LAMTOR5: variants seen among roughly 807,000 people sequenced by gnomAD.
The protein encoded by LAMTOR5 is late endosomal/lysosomal adaptor, MAPK and MTOR activator 5, also known as ragulator complex protein LAMTOR5.
LAMTOR5 carries 8 observed loss-of-function variants against 12.1 expected under a neutral mutation model. The observed-to-expected ratio is 0.66, with a 90% CI of 0.39 to 1.19. The LOEUF (loss-of-function observed/expected upper bound fraction) is 1.19. Ranked by LOEUF, LAMTOR5 falls within the 50% of genes most tolerant of loss-of-function variation. The probability of loss-of-function intolerance (pLI) is 0.01; values close to 1 mark genes in which losing one functional copy is unlikely to be tolerated. For synonymous variants in LAMTOR5, 37 were observed against 41.9 expected, an observed-to-expected ratio of 0.88 and a Z score of 0.45; for missense variants, 110 against 112.8, an observed-to-expected ratio of 0.97 and a Z score of 0.11.
At chr1:110,403,778 G>C (rs1663272087) in intron 3 of LAMTOR5, 141 bp downstream of exon 3, 6 of 1,337,226 alleles carry the variant, frequency 4.5e-6, no homozygotes, top group Non-Finnish European at 2.0e-6. Flanking sequence ...CAACTTGTCT[G>C]TTCCTGTGAT....
At chr1:110,407,145 T>G in intron 1 of LAMTOR5, 1 of 616,176 alleles carries the variant, frequency 1.6e-6, no homozygotes, top group East Asian at 2.8e-5. Flanking sequence ...GTTCGAAAAA[T>G]TTAAAGAATG....
chr1:110,406,240 A>G (rs1663325723), intron 2 of LAMTOR5, 78 bp downstream of exon 2: 1 of 979,114 alleles, frequency 1.0e-6, no homozygotes, highest in African/African-American at 1.7e-5. Context: ...AAAAGCTAGA[A>G]AATAATAGCA....
At chr1:110,407,093 C>CT in intron 1 of LAMTOR5, 1 of 675,896 alleles carries the variant, frequency 1.5e-6, no homozygotes, top group South Asian at 1.6e-5. Context: ...TCTCTGTACC[C>CT]TTTACACTTT....
chr1:110,402,053 C>T (rs911774464), intron 3 of LAMTOR5, among the ~76,000 whole-genome samples: 12 of 152,268 alleles, frequency 7.9e-5, no homozygotes, highest in Admixed American at 6.5e-4. Flanking sequence ...TATAATGGAA[C>T]TGAAAAATTC....
chr1:110,406,151 G>T (rs985324689), intron 2 of LAMTOR5, among the ~76,000 whole-genome samples, 167 bp downstream of exon 2: 2 of 152,160 alleles, frequency 1.3e-5, no homozygotes, highest in Non-Finnish European at 2.9e-5. Flanking sequence ...CAACTGAAAA[G>T]TTTCAATTTT....
chr1:110,407,821 G>T (rs746743213), upstream of LAMTOR5: 19 of 1,613,858 alleles, frequency 1.2e-5, no homozygotes, highest in Non-Finnish European at 1.5e-5. Flanking sequence ...CGAAGGCTTG[G>T]GCTCCCCGCG....
chr1:110,405,000 A>G (rs1025702107), intron 2 of LAMTOR5, among the ~76,000 whole-genome samples: 187 of 149,924 alleles, frequency 1.2e-3, no homozygotes, highest in African/African-American at 4.3e-3. Context: ...GTGAGCCAAG[A>G]TCGTGCCACT....
At chr1:110,406,827 A>T (rs1663340348) in intron 1 of LAMTOR5, 1 of 434,542 alleles carries the variant, frequency 2.3e-6, no homozygotes, top group Non-Finnish European at 4.1e-6. Flanking sequence ...CGTCTCAAAA[A>T]AAGAACACAA....
Position 110,407,577 on chromosome 1 carries a change from A to G in LAMTOR5, c.35+9T>C, listed in dbSNP as rs559014655. 2 of 1,612,276 alleles carry G rather than the reference A, an allele frequency of 1.2e-6. No homozygotes were observed. Among genetic ancestry groups the G allele is most frequent in the South Asian group, 2.2e-5 (2 of 91,032 alleles). Reference sequence around the variant, plus strand: ...CTCAGGACAGGCCGAAGAGGCGCGCACTACTCACGTGTCTTCCAAGTGCTG... The same window carrying G: ...CTCAGGACAGGCCGAAGAGGCGCGCGCTACTCACGTGTCTTCCAAGTGCTG... On this transcript the variant is annotated intron_variant, in intron 1 of 3. Transcript: ENST00000602318.
intron 1 of LAMTOR5, 42 bp from the exon 2 acceptor site, chr1:110,406,421 G>A (rs1186556100): frequency 2.1e-6 from 3 of 1,413,324 alleles, no homozygotes; most frequent in Admixed American, 1.8e-5. Context: ...CATAATGGGA[G>A]AAAAAGGATT....
chr1:110,406,591 C>A, intron 1 of LAMTOR5: 7 of 358,200 alleles, frequency 2.0e-5, no homozygotes, highest in Non-Finnish European at 3.1e-5. Context: ...TTGGGAGGCC[C>A]AGGTGGGCGG....
chr1:110,406,169 T>G, intron 2 of LAMTOR5, 149 bp downstream of exon 2: 1 of 446,788 alleles, frequency 2.2e-6, no homozygotes, highest in Non-Finnish European at 4.0e-6. Flanking sequence ...TTTCTGATAC[T>G]GTTATTTGGA....
At chr1:110,402,506 A>G (rs1261942599) in intron 3 of LAMTOR5, among the ~76,000 whole-genome samples, 2 of 152,182 alleles carry the variant, frequency 1.3e-5, no homozygotes, top group Non-Finnish European at 2.9e-5. Flanking sequence ...TTGGCCTCCC[A>G]AAGTGCTGGG....
chr1:110,406,857 A>G (rs925578204), intron 1 of LAMTOR5: 3 of 434,666 alleles, frequency 6.9e-6, no homozygotes, highest in East Asian at 6.9e-5. Context: ...GTTCTAGTTA[A>G]TTAATTGAAA....
chr1:110,405,632 C>T (rs374080786), intron 2 of LAMTOR5, among the ~76,000 whole-genome samples: 7 of 152,076 alleles, frequency 4.6e-5, no homozygotes, highest in Middle Eastern at 3.2e-3. Context: ...CACCTGGTCC[C>T]TCAATTTCTT....
At chr1:110,407,266 C>A in intron 1 of LAMTOR5, 1 of 579,704 alleles carries the variant, frequency 1.7e-6, no homozygotes, top group Non-Finnish European at 3.1e-6. Flanking sequence ...TCCCAAAAGT[C>A]AACCCGTTTT....
At position 110,406,435 on chromosome 1, in the gene LAMTOR5, A is replaced by G. The variant is rs547731840; in HGVS notation, c.36-56T>C. ...ACATAATGGGAGAAAAAGGATTTAAATAAGTACAAACATACAGGTGTTCTA... is the reference window on the plus strand; with the variant it reads ...ACATAATGGGAGAAAAAGGATTTAAGTAAGTACAAACATACAGGTGTTCTA... On this transcript the variant is annotated intron_variant, in intron 1 of 3. Coordinates refer to ENST00000602318, the MANE Select transcript of LAMTOR5 (RefSeq NM_001382293.1). The G allele has an allele frequency of 1.5e-5, 19 of 1,253,884 alleles. No homozygotes were observed. In the East Asian group the frequency reaches 2.1e-4, roughly 14 times the overall value. The allele number at this position is 1,253,884 out of a possible 1,614,324, so 77.7% of individuals were successfully genotyped here.
upstream of LAMTOR5, chr1:110,407,700 G>T: frequency 6.2e-7 from 1 of 1,614,208 alleles, no homozygotes; most frequent in Admixed American, 1.7e-5. Context: ...CACTTGACGC[G>T]AGCGGGGCGT....
intron 3 of LAMTOR5, among the ~76,000 whole-genome samples, chr1:110,403,289 A>G (rs1206131210): frequency 6.6e-6 from 1 of 152,188 alleles, no homozygotes; most frequent in African/African-American, 2.4e-5. Flanking sequence ...ATCACTTGGA[A>G]TATCTTTAGT....
Sources: gnomAD v4.1 joint callset for allele counts (sites outside exome capture counted in the v4.1 genomes callset) on GRCh38, gnomAD v4.1.1 for gene constraint, MANE v1.5 for transcripts, NCBI Gene and HGNC (gene_info 2026-07-23, HGNC 2026-07-21) for gene names.